Variants in CFAP97D1 observed in about 807,000 individuals in gnomAD.
The protein encoded by CFAP97D1 is CFAP97 domain containing 1, also known as sperm axonemal maintenance protein CFAP97D1.
In CFAP97D1, 15 loss-of-function variants were observed where a neutral mutation model predicts 20.5. The ratio of observed to expected loss-of-function variants is 0.73; its 90% CI spans 0.49 to 1.13. The LOEUF (loss-of-function observed/expected upper bound fraction) is 1.13, where lower values mean the gene tolerates loss of function less well. Among genes scored for constraint, CFAP97D1 ranks in the 50% most tolerant of loss-of-function variants. CFAP97D1 has a pLI of 0.00. For synonymous variants in CFAP97D1, 58 were observed against 71.2 expected (o/e 0.82, Z 0.93); for missense variants, 168 against 202.9 (o/e 0.83, Z 1.04).
At position 43,786,782 on chromosome 17, in the gene CFAP97D1, G is replaced by T. The variant is rs932486777; in HGVS notation, c.*2400G>T. ...TATTACGTAAATGGCGTCATGCAAT[G>T]TATGTTCATCCTTTTGAGATTGGCT... On this transcript the variant is annotated 3_prime_UTR_variant, in exon 6 of 6. Transcript: ENST00000449302. 1 of 152,136 alleles carries T rather than the reference G, an allele frequency of 6.6e-6. No homozygotes were observed. The highest frequency in any genetic ancestry group is 2.4e-5 in the African/African-American group (1 of 41,436). 9.4% of individuals were successfully genotyped at this position (152,136 alleles called of 1,614,324 possible).
In CFAP97D1 at chr17:43,781,632, CTT is replaced by C. The variant is rs143034401; in HGVS notation, c.196-139_196-138del. 0.014 allele frequency: 9,316 copies of C among 661,228 alleles called. 605 individuals carry two copies. The African/African-American group carries it at 0.14, about 10-fold the overall frequency. The allele number at this position is 661,228 out of a possible 1,614,324, so 41.0% of individuals were successfully genotyped here. A position where few individuals can be genotyped will look rare whatever the true frequency, so the allele number is the denominator to read the frequency against. On this transcript the variant is annotated intron_variant, in intron 2 of 5. Transcript: ENST00000449302. The stretch of plus-strand genomic sequence containing the variant: ...GAGCCACCGTGCCCGGCCGCCCAGT[CTT>C]TTAAGTTCTGCTTCCAGTCTCCACT...
At chr17:43,781,216 T>C in intron 2 of CFAP97D1, 27 bp downstream of exon 2, 1 of 1,523,758 alleles carries the variant, frequency 6.6e-7, no homozygotes, top group Middle Eastern at 1.7e-4. Context: ...CTTGCAGATG[T>C]GCAGATGTAT....
chr17:43,782,945 A>T, intron 3 of CFAP97D1: 1 of 529,454 alleles, frequency 1.9e-6, no homozygotes, highest in African/African-American at 1.9e-5. Context: ...ATGAAGTAGA[A>T]TCTTCTCATG....
intron 2 of CFAP97D1, 92 bp from the exon 3 acceptor site, chr17:43,781,682 C>A: frequency 1.1e-6 from 1 of 881,932 alleles, no homozygotes; most frequent in Admixed American, 2.1e-5. Flanking sequence ...GCACCCCTTT[C>A]CCACGATCTC....
chr17:43,786,298 AAAT>A lies in CFAP97D1; in HGVS notation c.*1920_*1922del, dbSNP rs1192620142. 6.6e-6 allele frequency: 1 copy of A among 152,222 alleles called. No individual in the cohort carries two copies. Among genetic ancestry groups the A allele is most frequent in the Non-Finnish European group, 1.5e-5 (1 of 68,046 alleles). 9.4% of individuals were successfully genotyped at this position (152,222 alleles called of 1,614,324 possible). ...TGGAAACACTCACAGACACACCCAA[AAAT>A]AATGCTTTACCAGGTTTCTATTCAG... On this transcript the variant is annotated 3_prime_UTR_variant, in exon 6 of 6. Coordinates refer to ENST00000449302, the MANE Select transcript of CFAP97D1 (RefSeq NM_001136483.3).
In CFAP97D1 at chr17:43,783,177, C is replaced by T. The variant is rs1974492214; in HGVS notation, c.315-3C>T. On this transcript the variant is annotated splice_polypyrimidine_tract_variant and splice_region_variant and intron_variant, in intron 3 of 5. Coordinates refer to ENST00000449302, the MANE Select transcript of CFAP97D1 (RefSeq NM_001136483.3). ...ACCCATTTCGGGGTTTTGTGTTTTTCAGCTTAAACAGAGAAACAAGGAACC... is the reference window on the plus strand; with the variant it reads ...ACCCATTTCGGGGTTTTGTGTTTTTTAGCTTAAACAGAGAAACAAGGAACC... 1.3e-6 allele frequency: 2 copies of T among 1,551,322 alleles called. No homozygotes were observed. Among genetic ancestry groups the T allele is most frequent in the African/African-American group, 2.7e-5 (2 of 72,992 alleles).
chr17:43,781,880 A>AT lies in CFAP97D1; in HGVS notation c.307dup (p.Ser103PhefsTer29), dbSNP rs1305007271. On this transcript the variant is annotated frameshift_variant, in exon 3 of 6. Coordinates refer to ENST00000449302, the MANE Select transcript of CFAP97D1 (RefSeq NM_001136483.3). LOFTEE classifies it high-confidence loss of function. ...GCCAAGGTGGATTGCTGGAATGAAT[A>AT]TTTTTCCAAGAGGTAATGTTCTTTG... 1 of 1,546,872 alleles carries AT rather than the reference A, an allele frequency of 6.5e-7. No homozygotes were observed. The highest frequency in any genetic ancestry group is 2.4e-5 in the East Asian group (1 of 40,910).
chr17:43,780,743 G>A (rs1037246058), intron 1 of CFAP97D1, among the ~76,000 whole-genome samples, 157 bp downstream of exon 1: 12 of 152,098 alleles, frequency 7.9e-5, no homozygotes, highest in Non-Finnish European at 1.5e-4. Context: ...ATAACAAAAT[G>A]TATCTTCCAC....
chr17:43,781,890 G>T lies in CFAP97D1; in HGVS notation c.312G>T (p.Lys104Asn). The stretch of plus-strand genomic sequence containing the variant: ...ATTGCTGGAATGAATATTTTTCCAA[G>T]AGGTAATGTTCTTTGTCTTCATTTC... ...KVDCWNEYFSKSLNRETRNRE... is the reference protein window; with the variant it reads ...KVDCWNEYFSNSLNRETRNRE... Residue 104 changes from lysine to asparagine, a missense_variant and splice_region_variant, in exon 3 of 6, where the codon AAG (lysine) becomes AAT (asparagine). Lys to Asn is a moderately conservative substitution (Grantham distance 94). Coordinates refer to ENST00000449302, the MANE Select transcript of CFAP97D1 (RefSeq NM_001136483.3). The T allele has an allele frequency of 6.5e-7, 1 of 1,539,180 alleles. No individual in the cohort carries two copies. Among genetic ancestry groups the T allele is most frequent in the Non-Finnish European group, 8.8e-7 (1 of 1,135,494 alleles).
rs138585081 is a variant in CFAP97D1 at position 43,783,277 on chromosome 17, C to T, written c.412C>T (p.Arg138Cys). The change falls in exon 4 of 6, where the codon CGC becomes TGC. Residue 138 changes from arginine to cysteine, a missense_variant. Coordinates refer to ENST00000449302, the MANE Select transcript of CFAP97D1 (RefSeq NM_001136483.3). ...RLVDRKPHYD[R>C]RASEIDWQNS... ...TGTTGATCGCAAACCCCACTATGAC[C>T]GCAGGGCATCTGAGATAGACTGGCA... 1.5e-5 allele frequency: 24 copies of T among 1,551,248 alleles called. No individual in the cohort carries two copies. Among genetic ancestry groups the T allele is most frequent in the East Asian group, 7.3e-5 (3 of 40,902 alleles).
intron 3 of CFAP97D1, 58 bp from the exon 4 acceptor site, chr17:43,783,122 C>A (rs2154590809): frequency 6.5e-7 from 1 of 1,548,924 alleles, no homozygotes; most frequent in Non-Finnish European, 8.7e-7. Flanking sequence ...TTCATCTCCC[C>A]CACTCGTCAA....
intron 4 of CFAP97D1, 101 bp from the exon 5 acceptor site, chr17:43,783,736 C>A: frequency 2.2e-6 from 2 of 903,084 alleles, no homozygotes; most frequent in Non-Finnish European, 3.5e-6. Context: ...CACTTACCGA[C>A]TTTGGTCTTT....
rs189373118 is a variant in CFAP97D1, at chr17:43,781,486, A to G, written c.196-288A>G. The stretch of plus-strand genomic sequence containing the variant: ...GCTGGGATTACAGGCATGTGGCACC[A>G]TGCCCAGCTAATTTTTCATATTTTT... On this transcript the variant is annotated intron_variant, in intron 2 of 5. Coordinates refer to ENST00000449302, the MANE Select transcript of CFAP97D1 (RefSeq NM_001136483.3). Among the ~76,000 whole-genome samples, 58 of 152,212 alleles carry G rather than the reference A, an allele frequency of 3.8e-4. No individual in the cohort carries two copies. The East Asian group carries it at 0.01, about 27-fold the overall frequency.
Position 43,785,735 on chromosome 17 carries a change from T to C in CFAP97D1, c.*1353T>C, listed in dbSNP as rs1263095985. 6.6e-6 allele frequency: 1 copy of C among 151,956 alleles called. No individual in the cohort carries two copies. Among genetic ancestry groups the C allele is most frequent in the East Asian group, 1.9e-4 (1 of 5,178 alleles). 9.4% of individuals were successfully genotyped at this position (151,956 alleles called of 1,614,324 possible). ...ACCATGTCCGGCCTATAGGAAAGGG[T>C]AGTAATTTTTGGGTCCTTGGGTCAT... is the stretch of plus-strand genomic sequence containing the variant. On this transcript the variant is annotated 3_prime_UTR_variant, in exon 6 of 6. Transcript: ENST00000449302.
intron 3 of CFAP97D1, among the ~76,000 whole-genome samples, chr17:43,782,187 T>C (rs1252981895): frequency 6.6e-6 from 1 of 152,222 alleles, no homozygotes; most frequent in African/African-American, 2.4e-5. Context: ...TATAGGGCGC[T>C]ATAGCAAATT....
chr17:43,783,070 A>G, intron 3 of CFAP97D1, 110 bp from the exon 4 acceptor site: 2 of 1,369,350 alleles, frequency 1.5e-6, no homozygotes, highest in East Asian at 5.0e-5. Flanking sequence ...AGGACAGTTT[A>G]CTCCCTGCAC....
In CFAP97D1 at chr17:43,785,135, C is replaced by T. The variant is rs2044284158; in HGVS notation, c.*753C>T. On this transcript the variant is annotated 3_prime_UTR_variant, in exon 6 of 6. Transcript: ENST00000449302. ...CATGGAAGCTAAAGAAGTCCCACCACAGGCCATCTGCAAGCTGGAGACCCT... is the reference window on the plus strand; with the variant it reads ...CATGGAAGCTAAAGAAGTCCCACCATAGGCCATCTGCAAGCTGGAGACCCT... The T allele has an allele frequency of 1.3e-5, 2 of 152,506 alleles. No homozygotes were observed. The highest frequency in any genetic ancestry group is 6.5e-5 in the Admixed American group (1 of 15,300). 9.4% of individuals were successfully genotyped at this position (152,506 alleles called of 1,614,324 possible).
Position 43,781,177 on chromosome 17 carries a change from G to T in CFAP97D1, c.183G>T (p.Leu61Phe). 1 of 1,551,186 alleles carries T rather than the reference G, an allele frequency of 6.4e-7. No individual in the cohort carries two copies. Among genetic ancestry groups the T allele is most frequent in the Non-Finnish European group, 8.7e-7 (1 of 1,146,698 alleles). ...PVAHTNHILK[L>F]SKLQGEQKKI... ...CGCACACAAATCACATTTTAAAATT[G>T]AGCAAACTACAGGTATTTGTTCTTG... is the stretch of plus-strand genomic sequence containing the variant. The change falls in exon 2 of 6, where the codon TTG (leucine) becomes TTT (phenylalanine). Residue 61 changes from leucine (L) to phenylalanine (F), a missense_variant. Physicochemically the swap from Leu to Phe is conservative, Grantham distance 22. Transcript: ENST00000449302.
At chr17:43,781,345 T>C (rs1017408366) in intron 2 of CFAP97D1, among the ~76,000 whole-genome samples, 156 bp downstream of exon 2, 3 of 147,554 alleles carry the variant, frequency 2.0e-5, no homozygotes, top group Non-Finnish European at 4.5e-5. Flanking sequence ...CAGTCGTTTT[T>C]TTCCCCCCTG....
Sources: gnomAD v4.1 joint callset for allele counts (sites outside exome capture counted in the v4.1 genomes callset) on GRCh38, gnomAD v4.1.1 for gene constraint, MANE v1.5 for transcripts, NCBI Gene and HGNC (gene_info 2026-07-23, HGNC 2026-07-21) for gene names.